The following ATXN7 variants were observed in gnomAD, a reference collection of about 807,000 sequenced individuals.
The protein encoded by ATXN7 is ataxin 7, also known as ataxin-7.
In ATXN7, 12 loss-of-function variants were observed where a neutral mutation model predicts 70.5. The ratio of observed to expected loss-of-function variants is 0.17; its 90% CI spans 0.11 to 0.28. ATXN7 has a LOEUF of 0.28. Among genes scored for constraint, ATXN7 ranks in the 10% least tolerant of loss-of-function variants. ATXN7 has a pLI of 1.00. For synonymous variants in ATXN7, 498 were observed against 448.7 expected, an observed-to-expected ratio of 1.11 and a Z score of -1.39; for missense variants, 1,256 against 1,131.7, an observed-to-expected ratio of 1.11 and a Z score of -1.58.
At chr3:63,901,090 A>C (rs1260087118) in intron 2 of ATXN7, 2 of 152,248 alleles carry the variant, frequency 1.3e-5, no homozygotes, top group Non-Finnish European at 2.9e-5. Context: ...GAAAGGACAA[A>C]TATCCCTGCC....
intron 1 of ATXN7, chr3:63,878,365 CG>C (rs1262887647): frequency 1.3e-5 from 2 of 152,206 alleles, no homozygotes; most frequent in Admixed American, 6.5e-5. Flanking sequence ...GAATTGTAAG[CG>C]TTGGCCCCTC....
intron 5 of ATXN7, among the ~76,000 whole-genome samples, chr3:63,954,711 GTT>G (rs375112554): frequency 1.2e-4 from 13 of 112,450 alleles, no homozygotes; most frequent in African/African-American, 2.6e-4. Context: ...TTTTTTTTTT[GTT>G]TTTTTTTTTT....
intron 1 of ATXN7, among the ~76,000 whole-genome samples, chr3:63,884,313 C>T (rs1703014279): frequency 6.6e-6 from 1 of 151,098 alleles, no homozygotes; most frequent in Non-Finnish European, 1.5e-5. Flanking sequence ...GTCAGAGGGA[C>T]CAAAGAGACA....
rs2075820476 is a variant in ATXN7, at chr3:64,000,330, C to G, written c.*863C>G. 1 of 151,994 alleles carries G rather than the reference C, an allele frequency of 6.6e-6. No homozygotes were observed. Among genetic ancestry groups the G allele is most frequent in the Non-Finnish European group, 1.5e-5 (1 of 67,938 alleles). The allele number at this position is 151,994 out of a possible 1,614,324, so 9.4% of individuals were successfully genotyped here. A position where few individuals can be genotyped will look rare whatever the true frequency, so the allele number is the denominator to read the frequency against. Reference sequence around the variant, plus strand: ...TTAAAATCACTATAGGGAGAAAAAACTTTTTTCAAGATTTCCAAAGAGATG... The same window carrying G: ...TTAAAATCACTATAGGGAGAAAAAAGTTTTTTCAAGATTTCCAAAGAGATG... On this transcript the variant is annotated 3_prime_UTR_variant, in exon 13 of 13. Coordinates refer to ENST00000674280, the MANE Select transcript of ATXN7 (RefSeq NM_001377405.1).
At position 63,995,742 on chromosome 3, in the gene ATXN7, T is replaced by C; in HGVS notation, c.1920T>C (p.Ser640=). ...CAGGGGCGATGGATCCTGTGTGCAGTATGCAATCCAGACAAGTGTCCTCTT... is the reference window on the plus strand; with the variant it reads ...CAGGGGCGATGGATCCTGTGTGCAGCATGCAATCCAGACAAGTGTCCTCTT... ...AASGAMDPVC[S]MQSRQVSSSS... Residue 640 remains serine (S), a synonymous_variant, in exon 12 of 13, where the codon AGT becomes AGC. Transcript: ENST00000674280. 2 of 1,614,226 alleles carry C rather than the reference T, an allele frequency of 1.2e-6. No homozygotes were observed. The highest frequency in any genetic ancestry group is 1.3e-5 in the African/African-American group (1 of 75,056).
rs1458466033 is a variant in ATXN7, at chr3:63,913,236, C to T, written c.394+11C>T. Reference sequence around the variant, plus strand: ...GGCTCTGTCGGGAAGGTGAGTCCAGCCCCCCTGATGGAGTTTGTACAAACC... The same window carrying T: ...GGCTCTGTCGGGAAGGTGAGTCCAGTCCCCCTGATGGAGTTTGTACAAACC... On this transcript the variant is annotated intron_variant, in intron 4 of 12. Coordinates refer to ENST00000674280, the MANE Select transcript of ATXN7 (RefSeq NM_001377405.1). 1.9e-6 allele frequency: 3 copies of T among 1,612,644 alleles called. No individual in the cohort carries two copies. Among genetic ancestry groups the T allele is most frequent in the South Asian group, 2.2e-5 (2 of 91,024 alleles).
rs375947501 is a variant in ATXN7, at chr3:63,990,701, G to A, written c.1561-37G>A. 5.6e-6 allele frequency: 9 copies of A among 1,613,790 alleles called. No individual in the cohort carries two copies. The African/African-American group carries it at 1.2e-4, about 22-fold the overall frequency. On this transcript the variant is annotated intron_variant, in intron 10 of 12. Coordinates refer to ENST00000674280, the MANE Select transcript of ATXN7 (RefSeq NM_001377405.1). ...AACCCTGACTGGGCATGCCAGTGTGGGAGTCAGCAAGCACGCGGCTATGTT... is the reference window on the plus strand; with the variant it reads ...AACCCTGACTGGGCATGCCAGTGTGAGAGTCAGCAAGCACGCGGCTATGTT...
intron 1 of ATXN7, among the ~76,000 whole-genome samples, chr3:63,880,026 C>T (rs1017178997): frequency 6.6e-5 from 10 of 151,868 alleles, no homozygotes; most frequent in African/African-American, 1.9e-4. Context: ...GCAAAGGTTG[C>T]GGTGAGCTGA....
intron 4 of ATXN7, among the ~76,000 whole-genome samples, chr3:63,947,216 T>C (rs1465823922): frequency 9.2e-5 from 14 of 152,222 alleles, no homozygotes; most frequent in South Asian, 6.2e-4. Flanking sequence ...GACTGGCATG[T>C]AGTAGCTCTC....
At chr3:63,865,250 T>C (rs1012161691) in intron 1 of ATXN7, 1 of 152,234 alleles carries the variant, frequency 6.6e-6, no homozygotes, top group African/African-American at 2.4e-5. Context: ...TTAGTCATAT[T>C]ATGTGAGACC....
chr3:63,966,363 C>T (rs1448197288), intron 5 of ATXN7, among the ~76,000 whole-genome samples: 1 of 152,116 alleles, frequency 6.6e-6, no homozygotes, highest in Non-Finnish European at 1.5e-5. Flanking sequence ...GTTTTACAGC[C>T]ATGGAATTTT....
In ATXN7 at chr3:63,996,059, AC is replaced by A; in HGVS notation, c.2241del (p.Ser748GlnfsTer3). ...TGTGTGGCTCACTCTGGGCCTCCCTACCCCTCAACGGTAACATCTTCCCATA... is the reference window on the plus strand; with the variant it reads ...TGTGTGGCTCACTCTGGGCCTCCCTACCCTCAACGGTAACATCTTCCCATA... ...KNCVAHSGPP[Y>X]PSTVTSSHSI... On this transcript the variant is annotated frameshift_variant, in exon 12 of 13. Coordinates refer to ENST00000674280, the MANE Select transcript of ATXN7 (RefSeq NM_001377405.1). LOFTEE classifies it high-confidence loss of function. The A allele has an allele frequency of 1.2e-6, 2 of 1,613,922 alleles. No homozygotes were observed. The highest frequency in any genetic ancestry group is 1.7e-6 in the Non-Finnish European group (2 of 1,179,978).
At chr3:63,993,267 G>A (rs987754664) in intron 11 of ATXN7, among the ~76,000 whole-genome samples, 2 of 137,038 alleles carry the variant, frequency 1.5e-5, no homozygotes, top group East Asian at 4.2e-4. Context: ...AAAGATTTTT[G>A]TTGGTGTATT....
At chr3:63,884,833 A>AT (rs2107231323) in intron 1 of ATXN7, among the ~76,000 whole-genome samples, 1 of 135,480 alleles carries the variant, frequency 7.4e-6, no homozygotes, top group South Asian at 2.4e-4. Flanking sequence ...TTTTTTTTGT[A>AT]TTTTTTATAG....
chr3:63,989,248 C>G (rs998485536), intron 9 of ATXN7, among the ~76,000 whole-genome samples: 2 of 152,174 alleles, frequency 1.3e-5, no homozygotes, highest in Non-Finnish European at 2.9e-5. Flanking sequence ...ATTTCCTCCC[C>G]AAGTCCTTTC....
intron 4 of ATXN7, among the ~76,000 whole-genome samples, chr3:63,915,782 A>G (rs1559630795): frequency 1.3e-5 from 2 of 151,830 alleles, no homozygotes; most frequent in African/African-American, 4.8e-5. Context: ...CCTGGGTTCA[A>G]GCGATTCTCT....
At chr3:63,916,935 A>T (rs1340330754) in intron 4 of ATXN7, among the ~76,000 whole-genome samples, 1 of 152,098 alleles carries the variant, frequency 6.6e-6, no homozygotes, top group Non-Finnish European at 1.5e-5. Context: ...TGTTGTTGAG[A>T]TGGAGTCTCG....
chr3:63,901,500 G>A (rs1703641213), intron 2 of ATXN7: 1 of 152,136 alleles, frequency 6.6e-6, no homozygotes, highest in South Asian at 2.1e-4. Context: ...GTGAGATTGT[G>A]TGCTGTTTGT....
intron 4 of ATXN7, among the ~76,000 whole-genome samples, chr3:63,944,482 T>C (rs2074823365): frequency 6.6e-6 from 1 of 152,206 alleles, no homozygotes; most frequent in Admixed American, 6.5e-5. Flanking sequence ...ACAGTGTAGA[T>C]ATACTGGACA....
Sources: allele counts gnomAD v4.1 joint callset (sites outside exome capture counted in the v4.1 genomes callset), GRCh38; gene constraint gnomAD v4.1.1; transcripts MANE v1.5; gene names NCBI Gene and HGNC (gene_info 2026-07-23, HGNC 2026-07-21).